PTPRG: variants seen among roughly 807,000 people sequenced by gnomAD.
The protein encoded by PTPRG is protein tyrosine phosphatase receptor type G.
A neutral mutation model predicts 165.3 loss-of-function variants in PTPRG; 102 were observed. That is an observed-to-expected ratio of 0.62 (90% CI 0.53 to 0.73). PTPRG has a LOEUF of 0.73. Among genes scored for constraint, PTPRG ranks in the 30% least tolerant of loss-of-function variants. The pLI is 0.00. For missense variants in PTPRG, 1,866 were observed against 1,861.4 expected, an observed-to-expected ratio of 1.00 and a Z score of -0.05; for synonymous variants, 675 against 669.5, an observed-to-expected ratio of 1.01 and a Z score of -0.13.
intron 1 of PTPRG, among the ~76,000 whole-genome samples, chr3:61,573,728 CA>C (rs1311948791): frequency 6.6e-6 from 1 of 152,136 alleles, no homozygotes; most frequent in Non-Finnish European, 1.5e-5. Context: ...TAATGCTCTT[CA>C]AATGATTATA....
rs534284905 is a variant in PTPRG, at chr3:61,566,122, T to G, written c.85+3750T>G. 2.6e-5 allele frequency among the ~76,000 whole-genome samples: 4 copies of G among 152,324 alleles called. No individual in the cohort carries two copies. In the South Asian group the frequency reaches 8.3e-4, roughly 32 times the overall value. ...AAAGATAGGCATAAACAGGGCCTTT[T>G]GGAAATAGGGGAAGTTGCTGTTGTT... On this transcript the variant is annotated intron_variant, in intron 1 of 29. Coordinates refer to ENST00000474889, the MANE Select transcript of PTPRG (RefSeq NM_002841.4).
At chr3:61,934,832 A>G (rs1484932470) in intron 2 of PTPRG, among the ~76,000 whole-genome samples, 1 of 152,146 alleles carries the variant, frequency 6.6e-6, no homozygotes, top group Non-Finnish European at 1.5e-5. Context: ...ATAAATTGAC[A>G]TAGTCTTCTG....
At chr3:61,582,484 C>G (rs1193221758) in intron 1 of PTPRG, among the ~76,000 whole-genome samples, 2 of 152,136 alleles carry the variant, frequency 1.3e-5, no homozygotes, top group Non-Finnish European at 1.5e-5. Flanking sequence ...TGAGATAGAA[C>G]AATTTATCCG....
rs1181359781 is a variant in PTPRG at position 62,222,050 on chromosome 3, C to T, written c.2288+3067C>T. 6.6e-6 allele frequency among the ~76,000 whole-genome samples: 1 copy of T among 152,244 alleles called. No homozygotes were observed. The highest frequency in any genetic ancestry group is 1.5e-5 in the Non-Finnish European group (1 of 68,040). On this transcript the variant is annotated intron_variant, in intron 13 of 29. Transcript: ENST00000474889. This position sits in a 1 kb window ranked among gnomAD's most constrained non-coding sequence, Gnocchi z 4.5. Reference sequence around the variant, plus strand: ...CTGTCCTTTCTATTTGACCCACATTCTTTGACCAAGGAAGAGAACGAGAAC... The same window carrying T: ...CTGTCCTTTCTATTTGACCCACATTTTTTGACCAAGGAAGAGAACGAGAAC...
At chr3:62,223,782 T>A (rs1314379852) in intron 13 of PTPRG, among the ~76,000 whole-genome samples, 4 of 152,176 alleles carry the variant, frequency 2.6e-5, no homozygotes, top group African/African-American at 7.2e-5. Flanking sequence ...AGTTTTTTTT[T>A]AATAAGGAAA....
intron 2 of PTPRG, among the ~76,000 whole-genome samples, chr3:61,947,815 C>T (rs528692558): frequency 1.3e-5 from 2 of 152,306 alleles, no homozygotes; most frequent in South Asian, 2.1e-4. Flanking sequence ...CCAGTCACCG[C>T]ATCTAGAGGG....
intron 17 of PTPRG, among the ~76,000 whole-genome samples, chr3:62,266,874 G>A (rs975932021): frequency 6.7e-6 from 1 of 148,414 alleles, no homozygotes; most frequent in Admixed American, 6.8e-5. Context: ...CATTAACTGA[G>A]GTTAAGTGGA....
chr3:61,634,615 T>A (rs1202637943), intron 1 of PTPRG, among the ~76,000 whole-genome samples: 4 of 152,088 alleles, frequency 2.6e-5, no homozygotes, highest in African/African-American at 7.2e-5. Context: ...AAACCTAAAC[T>A]TTTAGGCTAC....
At chr3:62,071,195 A>C (rs9879067) in intron 4 of PTPRG, among the ~76,000 whole-genome samples, 1 of 152,026 alleles carries the variant, frequency 6.6e-6, no homozygotes, top group Admixed American at 6.6e-5. Context: ...AGCTATCTGC[A>C]TGCTGTTTCC....
chr3:61,766,155 A>G (rs560545639), intron 2 of PTPRG, among the ~76,000 whole-genome samples: 2 of 152,286 alleles, frequency 1.3e-5, no homozygotes, highest in East Asian at 3.9e-4. Context: ...TTTTCTTTAA[A>G]TTGGAATGAT....
At position 62,240,689 on chromosome 3, in the gene PTPRG, T is replaced by C. The variant is rs1214413758; in HGVS notation, c.2376-3118T>C. 6.6e-6 allele frequency among the ~76,000 whole-genome samples: 1 copy of C among 152,176 alleles called. No individual in the cohort carries two copies. Among genetic ancestry groups the C allele is most frequent in the African/African-American group, 2.4e-5 (1 of 41,446 alleles). ...CTGGCTTCCTTCCAGTTTCCTAAAA[T>C]GCACCAAGCTCCCTCTGCTCTAAGG... On this transcript the variant is annotated intron_variant, in intron 14 of 29. Transcript: ENST00000474889. This position sits in a 1 kb window ranked among gnomAD's most constrained non-coding sequence, Gnocchi z 5.1.
At position 61,829,621 on chromosome 3, in the gene PTPRG, A is replaced by G. The variant is rs181353038; in HGVS notation, c.190+80639A>G. ...GCGACTACAGTTTGGATGAAATCAC[A>G]TGACAGGTTGTCAGGGAGAGTGTAT... is the stretch of plus-strand genomic sequence containing the variant. On this transcript the variant is annotated intron_variant, in intron 2 of 29. Transcript: ENST00000474889. Among the ~76,000 whole-genome samples, 17 of 152,358 alleles carry G rather than the reference A, an allele frequency of 1.1e-4. No individual in the cohort carries two copies. In the East Asian group the frequency reaches 3.3e-3, roughly 29 times the overall value.
intron 13 of PTPRG, among the ~76,000 whole-genome samples, chr3:62,230,120 A>G (rs1169929479): frequency 1.3e-5 from 2 of 152,292 alleles, no homozygotes; most frequent in East Asian, 1.9e-4. Context: ...TGTTACAGCA[A>G]TCCCTCCCCC....
chr3:61,964,523 C>G (rs1271208171), intron 2 of PTPRG, among the ~76,000 whole-genome samples: 2 of 152,188 alleles, frequency 1.3e-5, no homozygotes, highest in Non-Finnish European at 2.9e-5. Context: ...GAGATCAAAA[C>G]TCTCCATCAA....
At chr3:62,191,287 A>G (rs1576116750) in intron 8 of PTPRG, among the ~76,000 whole-genome samples, 182 bp from the exon 9 acceptor site, 1 of 129,416 alleles carries the variant, frequency 7.7e-6, no homozygotes, top group Admixed American at 8.2e-5. Flanking sequence ...TGTGTGAGAG[A>G]GAGGGAGAAC....
Position 62,210,012 on chromosome 3 carries a change from G to A in PTPRG, c.2155+6062G>A, listed in dbSNP as rs777100454. Among the ~76,000 whole-genome samples, 8 of 152,162 alleles carry A rather than the reference G, an allele frequency of 5.3e-5. No individual in the cohort carries two copies. Among genetic ancestry groups the A allele is most frequent in the Admixed American group, 1.3e-4 (2 of 15,278 alleles). On this transcript the variant is annotated intron_variant, in intron 12 of 29. Coordinates refer to ENST00000474889, the MANE Select transcript of PTPRG (RefSeq NM_002841.4). This position sits in a 1 kb window ranked among gnomAD's most constrained non-coding sequence, Gnocchi z 4.1. ...GCCGTCTGATAGGTTAGGGCTTGCC[G>A]TCTTTTAGGGGCTTGGAATTAAATT...
intron 1 of PTPRG, among the ~76,000 whole-genome samples, chr3:61,618,912 C>T (rs1449582607): frequency 7.1e-6 from 1 of 140,740 alleles, no homozygotes; most frequent in African/African-American, 2.6e-5. Context: ...GAGCCCAAGG[C>T]AGGAGGACCA....
At chr3:61,790,149 C>T (rs2034828361) in intron 2 of PTPRG, among the ~76,000 whole-genome samples, 2 of 152,262 alleles carry the variant, frequency 1.3e-5, no homozygotes, top group Admixed American at 1.3e-4. Flanking sequence ...CAGTGGAGTA[C>T]AGAGGGTGGT....
chr3:62,221,226 T>C (rs1205794795), intron 13 of PTPRG, among the ~76,000 whole-genome samples: 2 of 152,200 alleles, frequency 1.3e-5, no homozygotes, highest in Non-Finnish European at 2.9e-5. Context: ...ATTTTTATGA[T>C]GTTTATTATA....
Sources: allele counts gnomAD v4.1 joint callset (sites outside exome capture counted in the v4.1 genomes callset), GRCh38; gene constraint gnomAD v4.1.1; non-coding constraint Gnocchi (gnomAD v3.1); transcripts MANE v1.5; gene names NCBI Gene and HGNC (gene_info 2026-07-23, HGNC 2026-07-21).